The following ITCH variants were observed in gnomAD, a reference collection of about 807,000 sequenced individuals.
ITCH encodes the protein itchy E3 ubiquitin protein ligase.
In ITCH, 28 loss-of-function variants were observed where a neutral mutation model predicts 126.8. That is an observed-to-expected ratio of 0.22 (90% CI 0.16 to 0.30). ITCH has a LOEUF of 0.30. Ranked by LOEUF, ITCH falls within the 10% of genes least tolerant of loss-of-function variation. The pLI is 1.00. For synonymous variants in ITCH, 342 were observed against 340.0 expected (o/e 1.01, Z -0.06); for missense variants, 631 against 1,032.4 (o/e 0.61, Z 5.33).
chr20:34,495,402 C>T (rs764311508), intron 23 of ITCH, among the ~76,000 whole-genome samples: 2 of 151,388 alleles, frequency 1.3e-5, no homozygotes, highest in Non-Finnish European at 2.9e-5. Flanking sequence ...TTCTTCCTGC[C>T]GATCTGTACT....
chr20:34,481,722 CTCA>C (rs1165255358), intron 20 of ITCH, among the ~76,000 whole-genome samples: 1 of 152,106 alleles, frequency 6.6e-6, no homozygotes, highest in African/African-American at 2.4e-5. Flanking sequence ...TTTTTAAAAC[CTCA>C]TCATCGGCCA....
intron 6 of ITCH, among the ~76,000 whole-genome samples, chr20:34,423,234 AGTTT>A (rs1440793703): frequency 2.6e-5 from 4 of 152,172 alleles, no homozygotes; most frequent in East Asian, 1.9e-4. Context: ...GTGTTTCATT[AGTTT>A]GTTCTCTTTT....
chr20:34,499,536 A>C (rs918415289), intron 23 of ITCH, among the ~76,000 whole-genome samples: 12 of 150,768 alleles, frequency 8.0e-5, no homozygotes, highest in African/African-American at 2.9e-4. Context: ...TGTCAGTTGT[A>C]ATGTCTCCCT....
chr20:34,430,349 G>A (rs1982118853), intron 7 of ITCH, among the ~76,000 whole-genome samples: 2 of 152,162 alleles, frequency 1.3e-5, no homozygotes. Flanking sequence ...TAAGTGCTTA[G>A]CCATTAATAA....
intron 3 of ITCH, among the ~76,000 whole-genome samples, chr20:34,400,412 T>C (rs2038833805): frequency 6.6e-6 from 1 of 151,964 alleles, no homozygotes; most frequent in Admixed American, 6.6e-5. Context: ...AAGGACCCTT[T>C]GAGGAGACAG....
rs760476142 is a variant in ITCH at position 34,479,714 on chromosome 20, G to T, written c.1743G>T (p.Leu581Phe). Reference sequence around the variant, plus strand: ...ATGCAGGGAAGGATAACTACTGCTTGCAGATAAACCCCGCTTCTTACATCA... The same window carrying T: ...ATGCAGGGAAGGATAACTACTGCTTTCAGATAAACCCCGCTTCTTACATCA... ...FEYAGKDNYCLQINPASYINP... is the reference protein window; with the variant it reads ...FEYAGKDNYCFQINPASYINP... Residue 581 changes from leucine to phenylalanine, a missense_variant, in exon 18 of 25, where the codon TTG becomes TTT. By Grantham distance (22) the Leu-to-Phe change is conservative (BLOSUM62 0). This residue lies in a region of ITCH where 390 missense variants were observed against 731.6 expected (regional missense o/e 0.53). Transcript: ENST00000374864. 1 of 1,613,954 alleles carries T rather than the reference G, an allele frequency of 6.2e-7. No individual in the cohort carries two copies. The highest frequency in any genetic ancestry group is 1.1e-5 in the South Asian group (1 of 91,088).
intron 11 of ITCH, among the ~76,000 whole-genome samples, chr20:34,447,717 G>T (rs992122948): frequency 6.6e-6 from 1 of 152,142 alleles, no homozygotes; most frequent in Admixed American, 6.5e-5. Context: ...AGTGTTTCCC[G>T]CTGGCCTCCC....
chr20:34,479,421 A>G (rs552560863), intron 17 of ITCH, among the ~76,000 whole-genome samples: 2 of 152,364 alleles, frequency 1.3e-5, no homozygotes, highest in East Asian at 3.9e-4. Flanking sequence ...GAAATGTAAT[A>G]ATGTATATAT....
At chr20:34,383,944 A>C (rs1006313170) in intron 2 of ITCH, among the ~76,000 whole-genome samples, 24 of 145,472 alleles carry the variant, frequency 1.6e-4, no homozygotes, top group Admixed American at 4.4e-4. Flanking sequence ...TCCTGGGTTC[A>C]AGCTATTCTT....
intron 23 of ITCH, among the ~76,000 whole-genome samples, chr20:34,502,166 A>G (rs926881342): frequency 1.3e-5 from 2 of 152,202 alleles, no homozygotes; most frequent in Non-Finnish European, 2.9e-5. Flanking sequence ...AGCAATTCAG[A>G]ATCCTTTCTG....
At chr20:34,386,954 T>C (rs995485406) in intron 2 of ITCH, among the ~76,000 whole-genome samples, 2 of 152,182 alleles carry the variant, frequency 1.3e-5, no homozygotes, top group African/African-American at 4.8e-5. Context: ...TCTTTCTATA[T>C]TGGGCATTCT....
At position 34,363,737 on chromosome 20, in the gene ITCH, C is replaced by G. The variant is rs557981125; in HGVS notation, c.-99+388C>G. On this transcript the variant is annotated intron_variant, in intron 1 of 24. Coordinates refer to ENST00000374864, the MANE Select transcript of ITCH (RefSeq NM_031483.7). ...TACGCGCGGGGCCCGGCGGCGGGGC[C>G]GGCGCGGGCGACGTGGCCCTGTGAG... 2.6e-5 allele frequency among the ~76,000 whole-genome samples: 4 copies of G among 152,134 alleles called. No homozygotes were observed. In the East Asian group the frequency reaches 7.8e-4, roughly 29 times the overall value.
At chr20:34,488,684 G>A (rs1320579100) in intron 20 of ITCH, among the ~76,000 whole-genome samples, 1 of 152,008 alleles carries the variant, frequency 6.6e-6, no homozygotes, top group East Asian at 1.9e-4. Context: ...TTGCACTCCA[G>A]CCTGAGTGAC....
In ITCH at chr20:34,370,964, C is replaced by T. The variant is rs560980282; in HGVS notation, c.-22+1494C>T. Among the ~76,000 whole-genome samples, 14 of 151,920 alleles carry T rather than the reference C, an allele frequency of 9.2e-5. 1 individual carries two copies. The South Asian group carries it at 1.5e-3, about 16-fold the overall frequency. ...CGGGTGGATCACGAGGTCAGGAGAT[C>T]GAGACCATCCTGGCTAACAAGGTGA... On this transcript the variant is annotated intron_variant, in intron 2 of 24. Transcript: ENST00000374864.
intron 5 of ITCH, among the ~76,000 whole-genome samples, chr20:34,413,168 G>T (rs745353121): frequency 3.3e-5 from 5 of 151,908 alleles, no homozygotes; most frequent in Middle Eastern, 3.2e-3. Flanking sequence ...CTATAGGCAG[G>T]TACCACCACA....
At chr20:34,393,396 C>T (rs1188244960) in intron 2 of ITCH, among the ~76,000 whole-genome samples, 1 of 152,026 alleles carries the variant, frequency 6.6e-6, no homozygotes, top group Non-Finnish European at 1.5e-5. Context: ...TATAGTCTTA[C>T]CTACTGGGGA....
rs1179381978 is a variant in ITCH, at chr20:34,462,123, T to C, written c.1326T>C (p.Gly442=). ...TAAATGAAAAGCCCTTACCTGAAGGTTGGGAAATGAGATTCACAGTGGATG... is the reference window on the plus strand; with the variant it reads ...TAAATGAAAAGCCCTTACCTGAAGGCTGGGAAATGAGATTCACAGTGGATG... The part of the protein sequence containing the change: ...GQLNEKPLPE[G]WEMRFTVDGI... The change falls in exon 14 of 25, where the codon GGT becomes GGC. Residue 442 remains glycine (G), a synonymous_variant. Transcript: ENST00000374864. The C allele has an allele frequency of 2.5e-6, 4 of 1,613,776 alleles. No homozygotes were observed. Among genetic ancestry groups the C allele is most frequent in the East Asian group, 2.2e-5 (1 of 44,846 alleles).
chr20:34,466,320 G>T, intron 14 of ITCH: 1 of 519,790 alleles, frequency 1.9e-6, no homozygotes. Context: ...AGATTTTTTT[G>T]CTGATTTTTT....
chr20:34,452,243 C>T (rs1985357628), intron 12 of ITCH, among the ~76,000 whole-genome samples: 1 of 152,128 alleles, frequency 6.6e-6, no homozygotes, highest in Admixed American at 6.6e-5. Flanking sequence ...GTCTTTCCTG[C>T]AAGTTGGTCC....
Sources: gnomAD v4.1 joint callset for allele counts (sites outside exome capture counted in the v4.1 genomes callset) on GRCh38, gnomAD v4.1.1 for gene constraint, gnomAD v4.1.1 regional missense constraint, MANE v1.5 for transcripts, NCBI Gene and HGNC (gene_info 2026-07-23, HGNC 2026-07-21) for gene names.